Variants in GAS7 observed in about 807,000 individuals in gnomAD.
GAS7 encodes the protein growth arrest-specific protein 7.
In GAS7, 28 loss-of-function variants were observed where a neutral mutation model predicts 71.1. The ratio of observed to expected loss-of-function variants is 0.39; its 90% CI spans 0.29 to 0.54. The LOEUF (loss-of-function observed/expected upper bound fraction) is 0.54, where lower values mean the gene tolerates loss of function less well. Ranked by LOEUF, GAS7 falls within the 20% of genes least tolerant of loss-of-function variation. The pLI is 0.62. For missense variants in GAS7, 436 were observed against 627.8 expected (o/e 0.69, Z 3.27); for synonymous variants, 258 against 245.8 (o/e 1.05, Z -0.46).
chr17:10,075,726 T>C (rs1343756577), intron 1 of GAS7, among the ~76,000 whole-genome samples: 1 of 150,462 alleles, frequency 6.6e-6, no homozygotes, highest in African/African-American at 2.5e-5. Flanking sequence ...GACCAGGAGA[T>C]TGAGGCTTCA....
At chr17:10,143,680 G>A (rs1303688808) in intron 1 of GAS7, among the ~76,000 whole-genome samples, 3 of 152,156 alleles carry the variant, frequency 2.0e-5, no homozygotes, top group Non-Finnish European at 2.9e-5. Context: ...ACAGAGGGAG[G>A]ACCACGTGAG....
chr17:9,935,879 C>T, intron 8 of GAS7, among the ~76,000 whole-genome samples: 1 of 152,310 alleles, frequency 6.6e-6, no homozygotes, highest in East Asian at 1.9e-4. Context: ...GGCACTCCAC[C>T]CCCTCTGGGT....
intron 1 of GAS7, among the ~76,000 whole-genome samples, chr17:10,059,528 C>T (rs937782935): frequency 6.6e-6 from 1 of 152,096 alleles, no homozygotes; most frequent in Non-Finnish European, 1.5e-5. Flanking sequence ...AGAAGAATCC[C>T]CCAAATCCCC....
In GAS7 at chr17:9,913,649, G is replaced by C; in HGVS notation, c.*3579C>G. The stretch of plus-strand genomic sequence containing the variant: ...AATTCTCCTTGGCCAACAGGGTGCT[G>C]AGTGGAGGTAGAAAGGAGGCCCAGG... On this transcript the variant is annotated 3_prime_UTR_variant, in exon 14 of 14. Transcript: ENST00000432992. The C allele has an allele frequency of 4.3e-6, 1 of 230,938 alleles. No homozygotes were observed. The highest frequency in any genetic ancestry group is 8.6e-6 in the Non-Finnish European group (1 of 116,594). 14.3% of individuals were successfully genotyped at this position (230,938 alleles called of 1,614,324 possible). A position where few individuals can be genotyped will look rare whatever the true frequency, so the allele number is the denominator to read the frequency against.
chr17:10,198,152 C>G, intron 1 of GAS7, 56 bp downstream of exon 1: 1 of 1,527,666 alleles, frequency 6.5e-7, no homozygotes, highest in South Asian at 1.1e-5. Context: ...AACAGGTACG[C>G]GAGCGCACCG....
chr17:9,970,823 T>C (rs894983794), intron 3 of GAS7, among the ~76,000 whole-genome samples: 1 of 152,148 alleles, frequency 6.6e-6, no homozygotes, highest in Non-Finnish European at 1.5e-5. Context: ...ACTCCCAGCA[T>C]GGACGGTTTC....
At chr17:9,943,380 T>C in intron 6 of GAS7, 144 bp from the exon 7 acceptor site, 1 of 627,902 alleles carries the variant, frequency 1.6e-6, no homozygotes, top group Non-Finnish European at 2.9e-6. Flanking sequence ...TCTGCTGCCC[T>C]AACTCGGATC....
chr17:10,121,174 A>C (rs2073901788), intron 1 of GAS7, among the ~76,000 whole-genome samples: 4 of 152,146 alleles, frequency 2.6e-5, no homozygotes, highest in African/African-American at 9.7e-5. Flanking sequence ...TGAGGTCGGG[A>C]GTTTGAGACC....
chr17:10,172,739 C>T (rs2074344653), intron 1 of GAS7, among the ~76,000 whole-genome samples: 1 of 152,234 alleles, frequency 6.6e-6, no homozygotes, highest in East Asian at 1.9e-4. Context: ...GCTTGACAGA[C>T]TTTAATGAAG....
intron 5 of GAS7, among the ~76,000 whole-genome samples, chr17:9,952,685 G>A (rs1018952373): frequency 1.3e-5 from 2 of 152,012 alleles, no homozygotes; most frequent in Non-Finnish European, 2.9e-5. Flanking sequence ...GAGTCACCGC[G>A]CCCGGCCCAG....
At chr17:10,152,982 C>G (rs969759067) in intron 1 of GAS7, among the ~76,000 whole-genome samples, 1 of 138,874 alleles carries the variant, frequency 7.2e-6, no homozygotes, top group Admixed American at 7.9e-5. Flanking sequence ...TATCTGAGGT[C>G]AGGAATTTGA....
chr17:10,027,764 G>A (rs990404718), intron 1 of GAS7, among the ~76,000 whole-genome samples: 1 of 152,188 alleles, frequency 6.6e-6, no homozygotes, highest in African/African-American at 2.4e-5. Flanking sequence ...TAGGCATCGT[G>A]GCTTGTGCCT....
At chr17:10,195,931 C>T (rs892445318) in intron 1 of GAS7, among the ~76,000 whole-genome samples, 15 of 152,162 alleles carry the variant, frequency 9.9e-5, no homozygotes, top group African/African-American at 3.1e-4. Flanking sequence ...AAGAGTCCCA[C>T]CCAGTACTTA....
At chr17:10,013,929 T>C (rs1317396254) in intron 2 of GAS7, among the ~76,000 whole-genome samples, 3 of 152,166 alleles carry the variant, frequency 2.0e-5, no homozygotes, top group African/African-American at 7.2e-5. Flanking sequence ...TCTCTGCTGA[T>C]GAAACACAAA....
chr17:9,959,098 T>C lies in GAS7; in HGVS notation c.525+104A>G, dbSNP rs1567823450. On this transcript the variant is annotated intron_variant, in intron 5 of 13. Coordinates refer to ENST00000432992, the MANE Select transcript of GAS7 (RefSeq NM_201433.2). The surrounding 1 kb of genome is among the most constrained non-coding windows in gnomAD (Gnocchi z 5.0). Reference sequence around the variant, plus strand: ...GCTTTGGAACTTCCCCGTTTCCAGGTTGGGCATCACTTCTGCTTGGCGGTC... The same window carrying C: ...GCTTTGGAACTTCCCCGTTTCCAGGCTGGGCATCACTTCTGCTTGGCGGTC... The C allele has an allele frequency of 2.2e-6, 3 of 1,394,110 alleles. No homozygotes were observed. Among genetic ancestry groups the C allele is most frequent in the Admixed American group, 2.4e-5 (1 of 41,636 alleles). 86.4% of individuals were successfully genotyped at this position (1,394,110 alleles called of 1,614,324 possible). A position where few individuals can be genotyped will look rare whatever the true frequency, so the allele number is the denominator to read the frequency against.
intron 1 of GAS7, among the ~76,000 whole-genome samples, chr17:10,105,736 C>T (rs1006039482): frequency 6.6e-6 from 1 of 152,200 alleles, no homozygotes; most frequent in African/African-American, 2.4e-5. Context: ...AACTGCAGAG[C>T]ACGTATCACT....
intron 1 of GAS7, among the ~76,000 whole-genome samples, chr17:10,099,391 G>A (rs1475610563): frequency 6.6e-6 from 1 of 152,178 alleles, no homozygotes; most frequent in Non-Finnish European, 1.5e-5. Flanking sequence ...ACCAGAGCAG[G>A]CAGGGACTTT....
At chr17:9,956,057 C>T (rs571889953) in intron 5 of GAS7, among the ~76,000 whole-genome samples, 1 of 152,200 alleles carries the variant, frequency 6.6e-6, no homozygotes, top group Non-Finnish European at 1.5e-5. Flanking sequence ...GTGAGAGCCA[C>T]TGAACACACG....
chr17:9,920,008 T>TGTGTGTGC lies in GAS7; in HGVS notation c.1139-304_1139-303insGCACACAC, dbSNP rs1460979435. 2.1e-5 allele frequency among the ~76,000 whole-genome samples: 3 copies of TGTGTGTGC among 143,918 alleles called. No homozygotes were observed. The East Asian group carries it at 5.9e-4, about 28-fold the overall frequency. 94.4% of individuals were successfully genotyped at this position (143,918 alleles called of 152,430 possible). ...GTGTGTGTGTGTGTGTGTGTGTGTG[T>TGTGTGTGC]GTGTGTGTCTAGGGTATTCCTAGGA... On this transcript the variant is annotated intron_variant, in intron 11 of 13. Coordinates refer to ENST00000432992, the MANE Select transcript of GAS7 (RefSeq NM_201433.2).
Sources: allele counts gnomAD v4.1 joint callset (sites outside exome capture counted in the v4.1 genomes callset), GRCh38; gene constraint gnomAD v4.1.1; non-coding constraint Gnocchi (gnomAD v3.1); transcripts MANE v1.5; gene names NCBI Gene and HGNC (gene_info 2026-07-23, HGNC 2026-07-21).